The following WDR45 variants were observed in gnomAD, a reference collection of about 807,000 sequenced individuals.
The protein encoded by WDR45 is WD repeat domain 45.
A neutral mutation model predicts 27.3 loss-of-function variants in WDR45; 2 were observed. The ratio of observed to expected loss-of-function variants is 0.07; its 90% CI spans 0.03 to 0.23. The LOEUF is 0.23. WDR45 is among the 10% of genes least tolerant of loss of function. WDR45 has a pLI of 1.00. For missense variants in WDR45, 175 were observed against 311.9 expected (o/e 0.56, Z 3.31); for synonymous variants, 99 against 119.2 (o/e 0.83, Z 1.11).
chrX:49,075,402 G>A lies in WDR45; in HGVS notation c.789C>T (p.Ile263=), dbSNP rs2065030925. 8.3e-7 allele frequency: 1 copy of A among 1,208,028 alleles called. No homozygotes were observed. Residue 263 remains isoleucine (I), a synonymous_variant, in exon 9 of 11, where the codon ATC becomes ATT. Transcript: ENST00000376372. ...CASSDKGTVH[I]FALKDTRLNR... Reference sequence around the variant, plus strand: ...TGAGGCGGGTATCCTTGAGAGCAAAGATATGGACAGTACCCTTATCACTGG... The same window carrying A: ...TGAGGCGGGTATCCTTGAGAGCAAAAATATGGACAGTACCCTTATCACTGG...
chrX:49,093,291 A>AT (rs1274412374), intron 2 of WDR45, among the ~76,000 whole-genome samples: 1 of 102,967 alleles, frequency 9.7e-6, no homozygotes, highest in East Asian at 3.1e-4. Context: ...CCCAGGCTAT[A>AT]TTTTTTTTGA....
chrX:49,098,488 C>T (rs1375913175), intron 2 of WDR45, among the ~76,000 whole-genome samples: 2 of 65,912 alleles, frequency 3.0e-5, no homozygotes, highest in Admixed American at 4.2e-4. Context: ...AGAAGGAGAA[C>T]CTATCTTAAA....
chrX:49,075,977 G>A (rs1216439727), intron 6 of WDR45, 32 bp from the exon 7 acceptor site: 15 of 1,103,062 alleles, frequency 1.4e-5, no homozygotes, highest in Middle Eastern at 5.0e-4. Flanking sequence ...TGGGGTGGGC[G>A]GCTGAAGAGG....
intron 2 of WDR45, among the ~76,000 whole-genome samples, chrX:49,097,284 G>C (rs1557087446): frequency 1.9e-5 from 2 of 107,363 alleles, no homozygotes; most frequent in African/African-American, 6.7e-5. Flanking sequence ...TTGAGATGGA[G>C]TTTCACTTTT....
chrX:49,076,819 T>C (rs2065040827), intron 4 of WDR45, 69 bp from the exon 5 acceptor site: 2 of 924,437 alleles, frequency 2.2e-6, no homozygotes, highest in East Asian at 6.7e-5. Context: ...TGACACAGGA[T>C]CCACCCCTGC....
At chrX:49,089,005 A>T (rs1191379073) in intron 2 of WDR45, among the ~76,000 whole-genome samples, 1 of 112,748 alleles carries the variant, frequency 8.9e-6, no homozygotes, top group African/African-American at 3.2e-5. Context: ...ACTAGAAAGT[A>T]GGCCAGACAC....
chrX:49,088,147 TA>T lies in WDR45; in HGVS notation c.-17-10036del, dbSNP rs1194318771. ...GGCCGGGTGTGGTGGCTCATGCCTG[TA>T]ATCCCAGCACTTTCGGAGGGTGAGG... On this transcript the variant is annotated intron_variant, in intron 2 of 11. Transcript: ENST00000356463. Among the ~76,000 whole-genome samples, 7 of 111,968 alleles carry T rather than the reference TA, an allele frequency of 6.3e-5. No individual in the cohort carries two copies. In the Admixed American group the frequency reaches 6.7e-4, roughly 11 times the overall value.
At chrX:49,087,490 T>C (rs1557086082) in intron 2 of WDR45, among the ~76,000 whole-genome samples, 2 of 111,847 alleles carry the variant, frequency 1.8e-5, no homozygotes, top group African/African-American at 6.5e-5. Context: ...GCCACTTTGG[T>C]CCAGCTTGGA....
chrX:49,086,906 T>C (rs1204829694), intron 2 of WDR45, among the ~76,000 whole-genome samples: 2 of 110,333 alleles, frequency 1.8e-5, no homozygotes, highest in Non-Finnish European at 3.8e-5. Context: ...TTTTTTTCTT[T>C]TTTAGAGACA....
At chrX:49,084,389 A>C (rs898365084), upstream of WDR45, among the ~76,000 whole-genome samples, 9 of 108,253 alleles carry the variant, frequency 8.3e-5, no homozygotes, top group East Asian at 2.7e-3. Flanking sequence ...TGTTGGTCGC[A>C]CTGTCAAAAG....
At chrX:49,098,549 C>A (rs1381566178) in intron 2 of WDR45, among the ~76,000 whole-genome samples, 1 of 110,381 alleles carries the variant, frequency 9.1e-6, no homozygotes, top group Non-Finnish European at 1.9e-5. Flanking sequence ...TGGCTCATGC[C>A]TGTAATTCCA....
intron 2 of WDR45, among the ~76,000 whole-genome samples, chrX:49,097,618 G>A (rs1223685595): frequency 3.8e-5 from 4 of 106,477 alleles, no homozygotes; most frequent in African/African-American, 1.4e-4. Flanking sequence ...ATGAGCCACC[G>A]CGCCTGGCCT....
Position 49,074,924 on chromosome X carries a change from G to A in WDR45, c.974-12C>T. 8.4e-7 allele frequency: 1 copy of A among 1,188,771 alleles called. No homozygotes were observed. Among genetic ancestry groups the A allele is most frequent in the Non-Finnish European group, 1.1e-6 (1 of 874,357 alleles). The stretch of plus-strand genomic sequence containing the variant: ...ATCTACGCAGATGGCTGGGGGAGGG[G>A]GGGTGGTAAAAGGTCAGAGGCTGCC... On this transcript the variant is annotated splice_polypyrimidine_tract_variant and intron_variant, in intron 10 of 10. Coordinates refer to ENST00000376372, the MANE Select transcript of WDR45 (RefSeq NM_001029896.2).
upstream of WDR45, among the ~76,000 whole-genome samples, chrX:49,083,248 G>A (rs782514687): frequency 2.3e-4 from 25 of 107,655 alleles, no homozygotes; most frequent in Admixed American, 9.0e-4. Context: ...TCCTGACCTC[G>A]TGATCCACCC....
rs782379467 is a variant in WDR45, at chrX:49,100,726, C to G, written c.-367-172G>C. On this transcript the variant is annotated intron_variant, in intron 1 of 11. Coordinates refer to the WDR45 transcript ENST00000356463. ...ACACAGGCTTCGCCAAAGGCCCTGACACTTAGGGCTTTTTCACTGCTGCAA... is the reference window on the plus strand; with the variant it reads ...ACACAGGCTTCGCCAAAGGCCCTGAGACTTAGGGCTTTTTCACTGCTGCAA... 2.0e-4 allele frequency: 22 copies of G among 112,506 alleles called. No homozygotes were observed. In the Middle Eastern group the frequency reaches 3.8e-3, roughly 20 times the overall value. The allele number at this position is 112,506 out of a possible 1,213,427, so 9.3% of individuals were successfully genotyped here.
chrX:49,082,879 A>AC (rs1214996656), upstream of WDR45, among the ~76,000 whole-genome samples: 2 of 102,040 alleles, frequency 2.0e-5, no homozygotes, highest in Admixed American at 2.1e-4. Flanking sequence ...ACGCCCAGCT[A>AC]ATTTTTTTTT....
intron 2 of WDR45, among the ~76,000 whole-genome samples, chrX:49,092,650 G>GTT (rs1370787244): frequency 2.7e-5 from 3 of 111,733 alleles, no homozygotes; most frequent in African/African-American, 6.5e-5. Flanking sequence ...TTTGTCAGGT[G>GTT]TTTGCTTTTT....
chrX:49,080,009 G>A (rs1299210800), upstream of WDR45: 1 of 113,338 alleles, frequency 8.8e-6, no homozygotes, highest in Non-Finnish European at 1.9e-5. Context: ...GCGAGTGACA[G>A]TGGGGTTCTC....
Position 49,075,906 on chromosome X carries a change from A to T in WDR45, c.476T>A (p.Leu159Gln), listed in dbSNP as rs1197831794. Residue 159 changes from leucine (L) to glutamine (Q), a missense_variant, in exon 7 of 11, where the codon CTA (leucine) becomes CAA (glutamine). Leu to Gln is a moderately radical substitution (Grantham distance 113). Around this residue, in one of 3 missense-constraint regions of WDR45, gnomAD observed 102 missense variants for 165.4 expected, o/e 0.62. Transcript: ENST00000376372. ...DLCPSLEKQLLVFPGHKCGSL... is the reference protein window; with the variant it reads ...DLCPSLEKQLQVFPGHKCGSL... ...CCCACACTTGTGTCCCGGGAACACT[A>T]GCAGTTGCTTCTCCAGGCTGGGGCA... is the stretch of plus-strand genomic sequence containing the variant. 8.3e-7 allele frequency: 1 copy of T among 1,208,094 alleles called. No homozygotes were observed. The highest frequency in any genetic ancestry group is 1.1e-6 in the Non-Finnish European group (1 of 894,675).
Sources: gnomAD v4.1 joint callset for allele counts (sites outside exome capture counted in the v4.1 genomes callset) on GRCh38, gnomAD v4.1.1 for gene constraint, gnomAD v4.1.1 regional missense constraint, MANE v1.5 for transcripts, NCBI Gene and HGNC (gene_info 2026-07-23, HGNC 2026-07-21) for gene names.